Variants in LRIG2 observed in about 807,000 individuals in gnomAD.
LRIG2 encodes the protein leucine-rich repeats and immunoglobulin-like domains protein 2.
In LRIG2, 93 loss-of-function variants were observed where a neutral mutation model predicts 107.8. The ratio of observed to expected loss-of-function variants is 0.86; its 90% CI spans 0.73 to 1.03. The LOEUF (loss-of-function observed/expected upper bound fraction) is 1.03. Among genes scored for constraint, LRIG2 ranks in the 50% least tolerant of loss-of-function variants. The pLI, the probability that LRIG2 is intolerant of heterozygous loss-of-function variation, is 0.00. For missense variants in LRIG2, 1,226 were observed against 1,296.0 expected, an observed-to-expected ratio of 0.95 and a Z score of 0.83; for synonymous variants, 471 against 470.6, an observed-to-expected ratio of 1.00 and a Z score of -0.01.
chr1:113,112,469 C>A lies in LRIG2; in HGVS notation c.1799-10C>A. The A allele has an allele frequency of 6.3e-7, 1 of 1,589,852 alleles. No homozygotes were observed. The highest frequency in any genetic ancestry group is 8.6e-7 in the Non-Finnish European group (1 of 1,163,868). On this transcript the variant is annotated splice_polypyrimidine_tract_variant and intron_variant, in intron 13 of 17. Coordinates refer to ENST00000361127, the MANE Select transcript of LRIG2 (RefSeq NM_014813.3). The stretch of plus-strand genomic sequence containing the variant: ...TGCCCACTTTTTCTTGGTGATTTTT[C>A]TGGAAACAGAGATGCCATCTTTTCT...
chr1:113,105,730 C>T (rs771937048), intron 11 of LRIG2, among the ~76,000 whole-genome samples: 3 of 152,050 alleles, frequency 2.0e-5, no homozygotes, highest in Non-Finnish European at 4.4e-5. Context: ...CTGGGCAACA[C>T]AGCAAGTTCC....
At chr1:113,094,199 C>T in intron 4 of LRIG2, 140 bp from the exon 5 acceptor site, 1 of 562,716 alleles carries the variant, frequency 1.8e-6, no homozygotes, top group Non-Finnish European at 3.1e-6. Context: ...AGAAACAGAG[C>T]AGTTAAATGA....
intron 11 of LRIG2, chr1:113,103,834 T>G (rs1654413636): frequency 6.6e-6 from 1 of 152,248 alleles, no homozygotes; most frequent in Admixed American, 6.5e-5. Context: ...TCTCTGGAGT[T>G]GGGCTAGAGG....
At chr1:113,096,714 C>T (rs1654083309) in intron 8 of LRIG2, among the ~76,000 whole-genome samples, 1 of 152,208 alleles carries the variant, frequency 6.6e-6, no homozygotes, top group South Asian at 2.1e-4. Context: ...TACTAGTTCT[C>T]ATTCGAAAGG....
Position 113,124,404 on chromosome 1 carries a change from AAG to A in LRIG2, c.*306_*307del, listed in dbSNP as rs1375826338. On this transcript the variant is annotated 3_prime_UTR_variant, in exon 18 of 18. Coordinates refer to ENST00000361127, the MANE Select transcript of LRIG2 (RefSeq NM_014813.3). ...CCCTGGTGTGCATCTGCTTGTCAGG[AAG>A]AGTCACATTGCTGCTTAACATGCTG... The A allele has an allele frequency of 2.4e-6, 1 of 418,094 alleles. No individual in the cohort carries two copies. Among genetic ancestry groups the A allele is most frequent in the Non-Finnish European group, 4.4e-6 (1 of 226,310 alleles). 25.9% of individuals were successfully genotyped at this position (418,094 alleles called of 1,614,324 possible).
intron 4 of LRIG2, among the ~76,000 whole-genome samples, 158 bp downstream of exon 4, chr1:113,093,722 A>G (rs926145667): frequency 2.6e-5 from 4 of 152,152 alleles, no homozygotes; most frequent in African/African-American, 7.2e-5. Context: ...ATGTATACAT[A>G]TGTAACTAAC....
At chr1:113,080,674 G>A (rs376518541) in intron 1 of LRIG2, among the ~76,000 whole-genome samples, 6 of 152,008 alleles carry the variant, frequency 3.9e-5, no homozygotes, top group East Asian at 1.9e-4. Flanking sequence ...CACTGTGCCC[G>A]GCCTGCTTCT....
At position 113,129,576 on chromosome 1, in the gene LRIG2, C is replaced by T. The variant is rs1293399919; in HGVS notation, c.*5475C>T. 1 of 152,062 alleles carries T rather than the reference C, an allele frequency of 6.6e-6. No homozygotes were observed. The highest frequency in any genetic ancestry group is 1.5e-5 in the Non-Finnish European group (1 of 68,010). 9.4% of individuals were successfully genotyped at this position (152,062 alleles called of 1,614,324 possible). Reference sequence around the variant, plus strand: ...CCCCTAGGAAAAGGAATTCCTGAAACTTTTCATTATTGCATATGTTTCTGA... The same window carrying T: ...CCCCTAGGAAAAGGAATTCCTGAAATTTTTCATTATTGCATATGTTTCTGA... On this transcript the variant is annotated 3_prime_UTR_variant, in exon 18 of 18. Coordinates refer to ENST00000361127, the MANE Select transcript of LRIG2 (RefSeq NM_014813.3).
Position 113,110,562 on chromosome 1 carries a change from G to T in LRIG2, c.1798G>T (p.Glu600Ter). The T allele has an allele frequency of 6.3e-7, 1 of 1,594,428 alleles. No homozygotes were observed. The highest frequency in any genetic ancestry group is 1.1e-5 in the South Asian group (1 of 89,314). Residue 600 changes from glutamate (E) to a stop codon, truncating the protein, a stop_gained and splice_region_variant, in exon 13 of 18, where the codon GAG (glutamate) becomes TAG (stop). Transcript: ENST00000361127. LOFTEE classifies it high-confidence loss of function. ...TCAGAAAGCCAAACTGACTGTAAAT[G>T]GTAAGGAATTATGCTCCTTGATTTT... The part of the protein sequence containing the change: ...YSQKAKLTVN[E>*]MPSFLKTPMD...
chr1:113,094,894 A>G (rs867069927), intron 6 of LRIG2, 139 bp downstream of exon 6: 11 of 738,854 alleles, frequency 1.5e-5, no homozygotes, highest in Middle Eastern at 2.6e-4. Flanking sequence ...GTAAGCGTAC[A>G]TAAAACCTTT....
intron 1 of LRIG2, among the ~76,000 whole-genome samples, chr1:113,084,422 A>G (rs1156256352): frequency 6.6e-6 from 1 of 151,842 alleles, no homozygotes; most frequent in Non-Finnish European, 1.5e-5. Flanking sequence ...TCACCGTGTT[A>G]GCCAAGATGG....
intron 2 of LRIG2, 71 bp from the exon 3 acceptor site, chr1:113,093,135 G>C: frequency 1.1e-6 from 1 of 943,654 alleles, no homozygotes. Context: ...ATATGTGTTA[G>C]CCAGAAGGTA....
intron 8 of LRIG2, among the ~76,000 whole-genome samples, chr1:113,098,494 A>G (rs1021310865): frequency 6.6e-6 from 1 of 152,118 alleles, no homozygotes; most frequent in East Asian, 1.9e-4. Context: ...AGCTTATAAG[A>G]ATCAGTTCTT....
At chr1:113,100,385 G>T in intron 10 of LRIG2, 35 bp from the exon 11 acceptor site, 1 of 1,436,428 alleles carries the variant, frequency 7.0e-7, no homozygotes, top group Non-Finnish European at 9.8e-7. Context: ...ATATAGAAAT[G>T]GTGACTGATA....
rs61753460 is a variant in LRIG2 at position 113,094,430 on chromosome 1, C to T, written c.607C>T (p.Arg203Ter). Residue 203 changes from arginine (R) to a stop codon, truncating the protein, a stop_gained, in exon 5 of 18, where the codon CGA becomes TGA. Coordinates refer to ENST00000361127, the MANE Select transcript of LRIG2 (RefSeq NM_014813.3). LOFTEE classifies it high-confidence loss of function. Reference sequence around the variant, plus strand: ...ATTAGTGGTAAAGTTAAACCGTAACCGAATGAGCATGATTCCACCTAAGAT... The same window carrying T: ...ATTAGTGGTAAAGTTAAACCGTAACTGAATGAGCATGATTCCACCTAAGAT... ...SLLVVKLNRN[R>*]MSMIPPKIFK... is the part of the protein sequence containing the mutation. 30 of 1,613,160 alleles carry T rather than the reference C, an allele frequency of 1.9e-5. No individual in the cohort carries two copies. The highest frequency in any genetic ancestry group is 2.7e-5 in the African/African-American group (2 of 74,882).
At chr1:113,087,873 C>T (rs1653628748) in intron 1 of LRIG2, among the ~76,000 whole-genome samples, 1 of 152,156 alleles carries the variant, frequency 6.6e-6, no homozygotes, top group Non-Finnish European at 1.5e-5. Flanking sequence ...TTTGGAGTGA[C>T]TGCACCTCTG....
Position 113,126,568 on chromosome 1 carries a change from T to C in LRIG2, c.*2467T>C, listed in dbSNP as rs1037336441. On this transcript the variant is annotated 3_prime_UTR_variant, in exon 18 of 18. Coordinates refer to ENST00000361127, the MANE Select transcript of LRIG2 (RefSeq NM_014813.3). ...CTTCCATTATTAAGGATAAAATTGA[T>C]CCCTACATTGAATCTGAAATTACCA... The C allele has an allele frequency of 6.6e-6, 1 of 152,248 alleles. No homozygotes were observed. Among genetic ancestry groups the C allele is most frequent in the African/African-American group, 2.4e-5 (1 of 41,452 alleles). The allele number at this position is 152,248 out of a possible 1,614,324, so 9.4% of individuals were successfully genotyped here. A position where few individuals can be genotyped will look rare whatever the true frequency, so the allele number is the denominator to read the frequency against.
intron 6 of LRIG2, among the ~76,000 whole-genome samples, chr1:113,095,064 C>G (rs943555061): frequency 5.9e-5 from 9 of 151,554 alleles, no homozygotes; most frequent in African/African-American, 2.2e-4. Context: ...ACCTCTGCCT[C>G]CAGGTTCAAG....
chr1:113,095,872 A>G lies in LRIG2; in HGVS notation c.804-2A>G. ...TTTTCTTCTCTTTCTCTAATTCTGC[A>G]GAGAACTGGAACACAACAACCTTAC... is the stretch of plus-strand genomic sequence containing the variant. On this transcript the variant is annotated splice_acceptor_variant, in intron 6 of 17. Coordinates refer to ENST00000361127, the MANE Select transcript of LRIG2 (RefSeq NM_014813.3). LOFTEE classifies it high-confidence loss of function. 6.2e-7 allele frequency: 1 copy of G among 1,614,142 alleles called. No homozygotes were observed.
Sources: allele counts gnomAD v4.1 joint callset (sites outside exome capture counted in the v4.1 genomes callset), GRCh38; gene constraint gnomAD v4.1.1; transcripts MANE v1.5; gene names NCBI Gene and HGNC (gene_info 2026-07-23, HGNC 2026-07-21).